The following DOP1A variants were observed in gnomAD, a reference collection of about 807,000 sequenced individuals.
DOP1A encodes protein DOP1A.
A neutral mutation model predicts 267.6 loss-of-function variants in DOP1A; 90 were observed. The observed-to-expected ratio is 0.34, with a 90% confidence interval of 0.28 to 0.40. The LOEUF is 0.40. Ranked by LOEUF, DOP1A falls within the 10% of genes least tolerant of loss-of-function variation. The pLI is 1.00. For missense variants in DOP1A, 2,437 were observed against 2,900.4 expected, an observed-to-expected ratio of 0.84 and a Z score of 3.67; for synonymous variants, 932 against 999.1, an observed-to-expected ratio of 0.93 and a Z score of 1.27.
rs145614507 is a variant in DOP1A, at chr6:83,077,333, A to T, written c.-147+9554A>T. On this transcript the variant is annotated intron_variant, in intron 1 of 38. Transcript: ENST00000349129. ...CCTGGGCAACATAGCAAGACCCCTTAAAAAAAAGATGGTAAATGTTATATG... is the reference window on the plus strand; with the variant it reads ...CCTGGGCAACATAGCAAGACCCCTTTAAAAAAAGATGGTAAATGTTATATG... Among the ~76,000 whole-genome samples, 48 of 151,212 alleles carry T rather than the reference A, an allele frequency of 3.2e-4. No individual in the cohort carries two copies. In the East Asian group the frequency reaches 8.4e-3, roughly 26 times the overall value.
Position 83,129,363 on chromosome 6 carries a change from A to G in DOP1A, c.2196A>G (p.Lys732=), listed in dbSNP as rs754734110. 1 of 1,611,218 alleles carries G rather than the reference A, an allele frequency of 6.2e-7. No homozygotes were observed. Among genetic ancestry groups the G allele is most frequent in the African/African-American group, 1.3e-5 (1 of 74,788 alleles). The change falls in exon 16 of 39, where the codon AAA becomes AAG. Residue 732 remains lysine, a synonymous_variant. Transcript: ENST00000349129. ...DRNSQGDVKE[K]NISKQKTSKE... Reference sequence around the variant, plus strand: ...ATTCACAAGGAGATGTAAAAGAGAAAAACATAAGTAAACAAAAAACTTCTA... The same window carrying G: ...ATTCACAAGGAGATGTAAAAGAGAAGAACATAAGTAAACAAAAAACTTCTA...
At chr6:83,122,161 A>G (rs1776470624) in intron 11 of DOP1A, 111 bp downstream of exon 11, 1 of 1,262,604 alleles carries the variant, frequency 7.9e-7, no homozygotes, top group South Asian at 1.5e-5. Flanking sequence ...GTGTTCTAAT[A>G]AGTAAAGCTG....
At chr6:83,168,699 G>A, downstream of DOP1A, 1 of 995,848 alleles carries the variant, frequency 1.0e-6, no homozygotes, top group Non-Finnish European at 1.2e-6. Context: ...CAGTATGGAA[G>A]AGGGATGGAC....
chr6:83,124,665 C>A, intron 12 of DOP1A, 40 bp from the exon 13 acceptor site: 1 of 1,431,990 alleles, frequency 7.0e-7, no homozygotes, highest in Non-Finnish European at 9.8e-7. Context: ...ATTCACATCA[C>A]TTGACAGTAT....
intron 12 of DOP1A, 55 bp downstream of exon 12, chr6:83,123,037 G>T (rs1776597538): frequency 1.3e-6 from 2 of 1,522,072 alleles, no homozygotes; most frequent in South Asian, 2.6e-5. Context: ...TAACCTTTGG[G>T]TTTTTTTTAA....
chr6:83,151,801 T>C, intron 28 of DOP1A, 82 bp from the exon 29 acceptor site: 1 of 1,462,124 alleles, frequency 6.8e-7, no homozygotes, highest in Non-Finnish European at 9.4e-7. Flanking sequence ...AAAATATCTA[T>C]TATCAGAAAT....
chr6:83,141,224 C>G (rs1014299919), intron 23 of DOP1A, among the ~76,000 whole-genome samples: 7 of 151,998 alleles, frequency 4.6e-5, no homozygotes, highest in Non-Finnish European at 1.0e-4. Flanking sequence ...CATAATTGAA[C>G]AAATACCATA....
At chr6:83,153,829 T>G (rs1782212168) in intron 31 of DOP1A, 65 bp from the exon 32 acceptor site, 4 of 1,498,160 alleles carry the variant, frequency 2.7e-6, no homozygotes, top group Non-Finnish European at 3.6e-6. Context: ...TGAACATTTA[T>G]GTATAACTTG....
intron 37 of DOP1A, among the ~76,000 whole-genome samples, chr6:83,162,166 G>A (rs1046515886): frequency 1.3e-5 from 2 of 152,118 alleles, no homozygotes; most frequent in Non-Finnish European, 2.9e-5. Flanking sequence ...TGACAACATT[G>A]ATGAATCCTA....
At chr6:83,092,106 A>G (rs1770528197) in intron 1 of DOP1A, among the ~76,000 whole-genome samples, 1 of 152,024 alleles carries the variant, frequency 6.6e-6, no homozygotes, top group Non-Finnish European at 1.5e-5. Flanking sequence ...TTAGTGTGCT[A>G]GTCTTTTGTA....
chr6:83,147,333 A>G (rs1780789819), intron 26 of DOP1A, 42 bp downstream of exon 26: 2 of 1,047,808 alleles, frequency 1.9e-6, no homozygotes, highest in Admixed American at 2.5e-5. Context: ...ATGTTGCTAG[A>G]AACAGAGAAA....
intron 24 of DOP1A, among the ~76,000 whole-genome samples, chr6:83,142,510 A>AAAAT (rs776852749): frequency 6.6e-6 from 1 of 152,160 alleles, no homozygotes; most frequent in African/African-American, 2.4e-5. Context: ...TCTTCCTCAA[A>AAAAT]AAATAAATAA....
intron 1 of DOP1A, among the ~76,000 whole-genome samples, chr6:83,095,327 C>T (rs1312880910): frequency 6.6e-6 from 1 of 152,188 alleles, no homozygotes; most frequent in Non-Finnish European, 1.5e-5. Flanking sequence ...CTAACTGTTA[C>T]ATTTAGATCT....
chr6:83,069,541 G>A (rs1438632862), intron 1 of DOP1A, among the ~76,000 whole-genome samples: 1 of 152,054 alleles, frequency 6.6e-6, no homozygotes, highest in Non-Finnish European at 1.5e-5. Context: ...AAAGGTCCAT[G>A]CATTAGGCTT....
At position 83,130,233 on chromosome 6, in the gene DOP1A, G is replaced by T; in HGVS notation, c.2452G>T (p.Val818Leu). 1 of 1,614,062 alleles carries T rather than the reference G, an allele frequency of 6.2e-7. No homozygotes were observed. Among genetic ancestry groups the T allele is most frequent in the Non-Finnish European group, 8.5e-7 (1 of 1,179,992 alleles). ...TGCTATTTCACTAGTTATGGACCTGGTGGGACTGACACAGTCTGTGGCCAT... is the reference window on the plus strand; with the variant it reads ...TGCTATTTCACTAGTTATGGACCTGTTGGGACTGACACAGTCTGTGGCCAT... The part of the protein sequence containing the change: ...SVAISLVMDL[V>L]GLTQSVAMVT... The change falls in exon 17 of 39, where the codon GTG (valine) becomes TTG (leucine). Residue 818 changes from valine (V) to leucine (L), a missense_variant. Around this residue, in one of 9 missense-constraint regions of DOP1A, gnomAD observed 878 missense variants for 992.9 expected, o/e 0.88. Coordinates refer to ENST00000349129, the MANE Select transcript of DOP1A (RefSeq NM_015018.4).
chr6:83,094,264 A>G (rs1163527822), intron 1 of DOP1A, among the ~76,000 whole-genome samples: 1 of 152,224 alleles, frequency 6.6e-6, no homozygotes, highest in East Asian at 1.9e-4. Context: ...TTTTATGACC[A>G]AATAATATTC....
At chr6:83,113,203 T>C in intron 6 of DOP1A, 120 bp from the exon 7 acceptor site, 1 of 640,702 alleles carries the variant, frequency 1.6e-6, no homozygotes, top group South Asian at 2.5e-5. Context: ...TGTAAATATC[T>C]TTAATTATTG....
In DOP1A at chr6:83,142,033, C is replaced by A. The variant is rs111769847; in HGVS notation, c.5528C>A (p.Thr1843Asn). The change falls in exon 24 of 39, where the codon ACC (threonine) becomes AAC (asparagine). Residue 1843 changes from threonine (T) to asparagine (N), a missense_variant. Thr to Asn is a moderately conservative substitution (Grantham distance 65, BLOSUM62 0). Transcript: ENST00000349129. ...VWNERRQNKT[T>N]TRTKVIPAAS... Reference sequence around the variant, plus strand: ...AATGAAAGAAGACAGAATAAAACAACCACCAGGACCAAGGTATGTATTTAG... The same window carrying A: ...AATGAAAGAAGACAGAATAAAACAAACACCAGGACCAAGGTATGTATTTAG... 60 of 1,611,648 alleles carry A rather than the reference C, an allele frequency of 3.7e-5. 1 individual carries two copies. The African/African-American group carries it at 5.2e-4, about 14-fold the overall frequency.
Position 83,138,297 on chromosome 6 carries a change from C to T in DOP1A, c.4255C>T (p.Leu1419Phe). Residue 1419 changes from leucine (L) to phenylalanine (F), a missense_variant, in exon 21 of 39, where the codon CTT (leucine) becomes TTT (phenylalanine). Leu to Phe is a conservative substitution (Grantham distance 22). Transcript: ENST00000349129. ...TGCATATACTCCTCAGTTGTCTCTC[C>T]TTCAGAATCTATTGGCCAGACACCG... is the stretch of plus-strand genomic sequence containing the variant. Reference protein sequence around the residue: ...NNAYTPQLSLLQNLLARHRIS... With the variant: ...NNAYTPQLSLFQNLLARHRIS... 1 of 1,612,776 alleles carries T rather than the reference C, an allele frequency of 6.2e-7. No individual in the cohort carries two copies. Among genetic ancestry groups the T allele is most frequent in the Non-Finnish European group, 8.5e-7 (1 of 1,179,920 alleles).
Sources: allele counts gnomAD v4.1 joint callset (sites outside exome capture counted in the v4.1 genomes callset), GRCh38; gene constraint gnomAD v4.1.1; regional missense constraint gnomAD v4.1.1; transcripts MANE v1.5; gene names NCBI Gene and HGNC (gene_info 2026-07-23, HGNC 2026-07-21).